AUTS2: variants seen among roughly 807,000 people sequenced by gnomAD.
The protein encoded by AUTS2 is autism susceptibility gene 2 protein.
In AUTS2, 17 loss-of-function variants were observed where a neutral mutation model predicts 112.4. The ratio of observed to expected loss-of-function variants is 0.15; its 90% CI spans 0.10 to 0.23. AUTS2 has a LOEUF of 0.23. Ranked by LOEUF, AUTS2 falls within the 10% of genes least tolerant of loss-of-function variation. The probability of loss-of-function intolerance (pLI) is 1.00; values close to 1 mark genes in which losing one functional copy is unlikely to be tolerated. For missense variants in AUTS2, 1,510 were observed against 1,701.6 expected, an observed-to-expected ratio of 0.89 and a Z score of 1.98; for synonymous variants, 751 against 702.7, an observed-to-expected ratio of 1.07 and a Z score of -1.09.
rs181877142 is a variant in AUTS2 at position 70,483,968 on chromosome 7, C to T, written c.690+48187C>T. On this transcript the variant is annotated intron_variant, in intron 5 of 18. Transcript: ENST00000342771. The stretch of plus-strand genomic sequence containing the variant: ...GGTCTGCCCTGAAGGGAAAGAAAGG[C>T]TTGATTGTGAAGCAGAGGGGCAAAA... Among the ~76,000 whole-genome samples, 5 of 152,108 alleles carry T rather than the reference C, an allele frequency of 3.3e-5. No individual in the cohort carries two copies. In the East Asian group the frequency reaches 9.6e-4, roughly 29 times the overall value.
intron 4 of AUTS2, among the ~76,000 whole-genome samples, chr7:70,423,202 T>C (rs1013208957): frequency 1.4e-4 from 22 of 152,192 alleles, no homozygotes; most frequent in Non-Finnish European, 1.5e-5. Flanking sequence ...GGTACTTTAG[T>C]TATATTCTCT....
At chr7:69,685,703 A>C (rs1188140586) in intron 1 of AUTS2, among the ~76,000 whole-genome samples, 5 of 152,090 alleles carry the variant, frequency 3.3e-5, no homozygotes, top group African/African-American at 1.2e-4. Flanking sequence ...GAGTATCTAA[A>C]GAAAGGATCC....
chr7:70,058,696 T>C (rs573458434), intron 2 of AUTS2, among the ~76,000 whole-genome samples: 59 of 152,182 alleles, frequency 3.9e-4, no homozygotes, highest in Non-Finnish European at 7.1e-4. Context: ...CAAAATCTTA[T>C]GTCATACTTC....
chr7:70,037,468 T>C (rs528892777), intron 2 of AUTS2, among the ~76,000 whole-genome samples: 1 of 152,302 alleles, frequency 6.6e-6, no homozygotes, highest in African/African-American at 2.4e-5. Context: ...CCTTTTACTA[T>C]ATATATGTAC....
intron 4 of AUTS2, among the ~76,000 whole-genome samples, chr7:70,237,571 C>A (rs1196192096): frequency 2.0e-5 from 3 of 152,184 alleles, no homozygotes; most frequent in Non-Finnish European, 4.4e-5. Flanking sequence ...CTTCAAAATA[C>A]CAAATCTCAG....
At chr7:69,864,635 C>T (rs1052871702) in intron 1 of AUTS2, among the ~76,000 whole-genome samples, 47 of 152,284 alleles carry the variant, frequency 3.1e-4, no homozygotes, top group African/African-American at 1.0e-3. Flanking sequence ...CATTTATTTG[C>T]AAACCATTTA....
intron 4 of AUTS2, among the ~76,000 whole-genome samples, chr7:70,166,250 A>G (rs886671773): frequency 1.3e-5 from 2 of 152,218 alleles, no homozygotes; most frequent in African/African-American, 4.8e-5. Flanking sequence ...TGTGCAGCCC[A>G]TGAGCAAATA....
chr7:70,154,405 T>G (rs1056220229), intron 4 of AUTS2, among the ~76,000 whole-genome samples: 1 of 152,188 alleles, frequency 6.6e-6, no homozygotes, highest in Non-Finnish European at 1.5e-5. Context: ...TTTTGTATAT[T>G]TAAAAGATAC....
At position 69,830,945 on chromosome 7, in the gene AUTS2, C is replaced by G. The variant is rs141768694; in HGVS notation, c.310-68341C>G. Among the ~76,000 whole-genome samples the G allele has an allele frequency of 9.2e-5, 14 of 152,278 alleles. No individual in the cohort carries two copies. The East Asian group carries it at 2.5e-3, about 27-fold the overall frequency. On this transcript the variant is annotated intron_variant, in intron 1 of 18. Coordinates refer to ENST00000342771, the MANE Select transcript of AUTS2 (RefSeq NM_015570.4). ...TGGTTTTCATCTTCTTTTCCCATCACTAAACTAAGTATACTCCCTTCAGAG... is the reference window on the plus strand; with the variant it reads ...TGGTTTTCATCTTCTTTTCCCATCAGTAAACTAAGTATACTCCCTTCAGAG...
rs879609116 is a variant in AUTS2 at position 69,951,496 on chromosome 7, G to A, written c.522+51998G>A. ...GGAAAACTGAGGGTGGATATGATGA[G>A]CCTCTCTAATACCAGAGATAGTGGA... On this transcript the variant is annotated intron_variant, in intron 2 of 18. Transcript: ENST00000342771. 4.6e-5 allele frequency among the ~76,000 whole-genome samples: 7 copies of A among 152,304 alleles called. No homozygotes were observed. In the East Asian group the frequency reaches 5.8e-4, roughly 13 times the overall value.
intron 6 of AUTS2, among the ~76,000 whole-genome samples, chr7:70,718,664 AAAAC>A (rs531892370): frequency 9.9e-5 from 15 of 152,266 alleles, no homozygotes; most frequent in East Asian, 5.8e-4. Flanking sequence ...CTCCGTCTCA[AAAAC>A]AAACAAACAA....
chr7:69,841,460 C>T (rs1466815492), intron 1 of AUTS2, among the ~76,000 whole-genome samples: 1 of 152,138 alleles, frequency 6.6e-6, no homozygotes, highest in African/African-American at 2.4e-5. Context: ...CAAACACCTC[C>T]CACCACCAGC....
At chr7:70,636,975 T>C (rs1441008814) in intron 5 of AUTS2, among the ~76,000 whole-genome samples, 1 of 152,216 alleles carries the variant, frequency 6.6e-6, no homozygotes, top group South Asian at 2.1e-4. Context: ...GTATTTTGCA[T>C]GTAAGATGGC....
chr7:69,922,199 A>G (rs1795844253), intron 2 of AUTS2, among the ~76,000 whole-genome samples: 1 of 152,206 alleles, frequency 6.6e-6, no homozygotes, highest in African/African-American at 2.4e-5. Flanking sequence ...TTTTGATTTC[A>G]TGCACGCAGT....
chr7:69,647,039 G>T (rs972226475), intron 1 of AUTS2, among the ~76,000 whole-genome samples: 2 of 152,224 alleles, frequency 1.3e-5, no homozygotes, highest in Non-Finnish European at 2.9e-5. Flanking sequence ...AGTGAGCCGA[G>T]ATGGCGCCAC....
intron 4 of AUTS2, among the ~76,000 whole-genome samples, chr7:70,385,361 GA>G (rs1370428467): frequency 1.3e-5 from 2 of 152,176 alleles, no homozygotes; most frequent in African/African-American, 4.8e-5. Context: ...TGATTTCTAA[GA>G]ATCATAACAT....
chr7:69,953,328 A>G (rs1420102618), intron 2 of AUTS2, among the ~76,000 whole-genome samples: 1 of 152,144 alleles, frequency 6.6e-6, no homozygotes, highest in African/African-American at 2.4e-5. Flanking sequence ...CATTTAGCCT[A>G]GATTCTGGCA....
chr7:69,957,424 T>A (rs1390194196), intron 2 of AUTS2, among the ~76,000 whole-genome samples: 1 of 152,114 alleles, frequency 6.6e-6, no homozygotes, highest in African/African-American at 2.4e-5. Context: ...TACCTTGTCC[T>A]GAATGGATGT....
chr7:70,515,717 T>C (rs1374243118), intron 5 of AUTS2, among the ~76,000 whole-genome samples: 1 of 152,174 alleles, frequency 6.6e-6, no homozygotes, highest in African/African-American at 2.4e-5. Context: ...CTTTTCTCTT[T>C]TTTTTTAAAT....
Sources: allele counts gnomAD v4.1 joint callset (sites outside exome capture counted in the v4.1 genomes callset), GRCh38; gene constraint gnomAD v4.1.1; transcripts MANE v1.5; gene names NCBI Gene and HGNC (gene_info 2026-07-23, HGNC 2026-07-21).